The following WDR75 variants were observed in gnomAD, a reference collection of about 807,000 sequenced individuals.
The protein encoded by WDR75 is WD repeat-containing protein 75.
Under a neutral mutation model 106.1 loss-of-function variants are expected in WDR75, and 52 were observed. The observed-to-expected ratio is 0.49, with a 90% CI of 0.39 to 0.62. WDR75 has a LOEUF of 0.62. WDR75 is among the 20% of genes least tolerant of loss of function. WDR75 has a pLI of 0.00. For missense variants in WDR75, 905 were observed against 970.3 expected (o/e 0.93, Z 0.89); for synonymous variants, 333 against 335.5 (o/e 0.99, Z 0.08).
intron 2 of WDR75, chr2:189,450,092 A>G (rs1686584671): frequency 9.3e-6 from 9 of 965,898 alleles, no homozygotes; most frequent in Non-Finnish European, 8.6e-6. Flanking sequence ...ACCATTCTGT[A>G]TAAGAGTACA....
Position 189,457,369 on chromosome 2 carries a change from A to G in WDR75, c.557A>G (p.Lys186Arg). The change falls in exon 6 of 21, where the codon AAA (lysine) becomes AGA (arginine). Residue 186 changes from lysine to arginine, a missense_variant. Coordinates refer to ENST00000314761, the MANE Select transcript of WDR75 (RefSeq NM_032168.3). ...FYLSVYFFKK[K>R]TTSRFTLSSS... ...TTGTCTGTTTATTTTTTCAAAAAGAAAACAACATCAAGGTAAGAATTATTT... is the reference window on the plus strand; with the variant it reads ...TTGTCTGTTTATTTTTTCAAAAAGAGAACAACATCAAGGTAAGAATTATTT... 5.6e-6 allele frequency: 9 copies of G among 1,593,240 alleles called. No homozygotes were observed. The highest frequency in any genetic ancestry group is 6.9e-6 in the Non-Finnish European group (8 of 1,162,214).
At position 189,470,124 on chromosome 2, in the gene WDR75, G is replaced by T; in HGVS notation, c.1868G>T (p.Gly623Val). The change falls in exon 17 of 21, where the codon GGT (glycine) becomes GTT (valine). Residue 623 changes from glycine (G) to valine (V), a missense_variant. Physicochemically the swap from Gly to Val is moderately radical, Grantham distance 109. Transcript: ENST00000314761. Reference protein sequence around the residue: ...SEPRPLYIQKGISREKVQWGV... With the variant: ...SEPRPLYIQKVISREKVQWGV... ...CCAAGGCCATTGTATATTCAAAAGGGTATCTCCAGAGAGAAAGTCCAGTGG... is the reference window on the plus strand; with the variant it reads ...CCAAGGCCATTGTATATTCAAAAGGTTATCTCCAGAGAGAAAGTCCAGTGG... 1.2e-6 allele frequency: 2 copies of T among 1,613,374 alleles called. No individual in the cohort carries two copies. The highest frequency in any genetic ancestry group is 1.7e-5 in the Admixed American group (1 of 59,976).
At position 189,474,270 on chromosome 2, in the gene WDR75, G is replaced by A. The variant is rs116046757; in HGVS notation, c.2134G>A (p.Glu712Lys). The change falls in exon 19 of 21, where the codon GAA becomes AAA. Residue 712 changes from glutamate to lysine, a missense_variant. Transcript: ENST00000314761. ...HRQQQDEKLN[E>K]TLENELVQLP... ...GCAACAGCAGGATGAAAAACTAAACGAAACTTTAGAGAATGAGCTGGTACA... is the reference window on the plus strand; with the variant it reads ...GCAACAGCAGGATGAAAAACTAAACAAAACTTTAGAGAATGAGCTGGTACA... The A allele has an allele frequency of 2.0e-4, 325 of 1,613,594 alleles. 1 individual carries two copies. The African/African-American group carries it at 3.7e-3, about 18-fold the overall frequency.
intron 2 of WDR75, chr2:189,449,436 CAA>C: frequency 4.1e-6 from 5 of 1,214,624 alleles, no homozygotes; most frequent in Non-Finnish European, 5.3e-6. Flanking sequence ...GAGGGTTTGA[CAA>C]AAGTTTATCG....
intron 1 of WDR75, among the ~76,000 whole-genome samples, chr2:189,445,895 GAGA>G (rs1370302264): frequency 2.6e-5 from 4 of 152,232 alleles, no homozygotes; most frequent in Non-Finnish European, 5.9e-5. Flanking sequence ...AAACCATGGA[GAGA>G]AAGTTGACTT....
intron 6 of WDR75, 71 bp from the exon 7 acceptor site, chr2:189,458,678 CTCTT>C (rs1214804229): frequency 1.4e-5 from 18 of 1,309,902 alleles, no homozygotes; most frequent in Non-Finnish European, 1.5e-5. Context: ...GCTGGGAACT[CTCTT>C]TTACTTAACT....
At chr2:189,444,114 A>G (rs934806487) in intron 1 of WDR75, among the ~76,000 whole-genome samples, 5 of 152,004 alleles carry the variant, frequency 3.3e-5, no homozygotes, top group East Asian at 1.9e-4. Context: ...TTTGTCATCT[A>G]TATATAAGCT....
chr2:189,447,721 A>G (rs1424915380), intron 1 of WDR75, among the ~76,000 whole-genome samples: 1 of 152,228 alleles, frequency 6.6e-6, no homozygotes, highest in Non-Finnish European at 1.5e-5. Flanking sequence ...TTCTGAGTTA[A>G]TGAACTGATT....
intron 14 of WDR75, among the ~76,000 whole-genome samples, chr2:189,467,935 A>G (rs1468052467): frequency 3.3e-5 from 5 of 152,166 alleles, no homozygotes; most frequent in Non-Finnish European, 5.9e-5. Flanking sequence ...AGGGGATCCA[A>G]ACCTTCTTAT....
Position 189,463,942 on chromosome 2 carries a change from G to C in WDR75, c.1094G>C (p.Ser365Thr). ...PGHLQFYSLQSDKQLYNLDII... is the reference protein window; with the variant it reads ...PGHLQFYSLQTDKQLYNLDII... ...CACCTGCAGTTTTATTCTCTCCAGA[G>C]TGATAAACAGTTATACAATGTAAGA... Residue 365 changes from serine to threonine, a missense_variant, in exon 11 of 21, where the codon AGT (serine) becomes ACT (threonine). By Grantham distance (58) the Ser-to-Thr change is moderately conservative (BLOSUM62 1). Transcript: ENST00000314761. 1 of 1,613,486 alleles carries C rather than the reference G, an allele frequency of 6.2e-7. No individual in the cohort carries two copies. The highest frequency in any genetic ancestry group is 1.1e-5 in the South Asian group (1 of 91,052).
At chr2:189,468,253 T>G (rs934666589) in intron 14 of WDR75, among the ~76,000 whole-genome samples, 2 of 152,174 alleles carry the variant, frequency 1.3e-5, no homozygotes, top group African/African-American at 4.8e-5. Flanking sequence ...CACAGTGTGT[T>G]AAAGAATTGG....
chr2:189,464,062 A>G (rs1227193305), intron 11 of WDR75, 101 bp downstream of exon 11: 5 of 958,498 alleles, frequency 5.2e-6, no homozygotes, highest in East Asian at 2.5e-5. Flanking sequence ...GATCCTGTGC[A>G]TATGTTTACT....
intron 13 of WDR75, among the ~76,000 whole-genome samples, 190 bp from the exon 14 acceptor site, chr2:189,467,278 T>C (rs535423340): frequency 6.6e-6 from 1 of 152,294 alleles, no homozygotes; most frequent in African/African-American, 2.4e-5. Context: ...GTGCATGCTC[T>C]GTGTCTGCCT....
At chr2:189,455,637 G>T in intron 5 of WDR75, 193 bp downstream of exon 5, 1 of 604,886 alleles carries the variant, frequency 1.7e-6, no homozygotes, top group South Asian at 2.9e-5. Context: ...CCTTATTTTT[G>T]TGTGTTCTGT....
At chr2:189,442,778 G>A (rs906970166) in intron 1 of WDR75, among the ~76,000 whole-genome samples, 3 of 152,012 alleles carry the variant, frequency 2.0e-5, no homozygotes, top group Admixed American at 6.5e-5. Flanking sequence ...ATGAGTGTAC[G>A]ACAGGTAGTT....
chr2:189,475,334 A>C lies in WDR75; in HGVS notation c.2410A>C (p.Ile804Leu). Reference protein sequence around the residue: ...DTSNTGLGEDIIHQLSKSEEK... With the variant: ...DTSNTGLGEDLIHQLSKSEEK... ...AAGTAACACAGGTTTAGGAGAAGAC[A>C]TTATACATCAGTTGTCAAAATCTGA... Residue 804 changes from isoleucine (I) to leucine (L), a missense_variant, in exon 21 of 21, where the codon ATT (isoleucine) becomes CTT (leucine). Transcript: ENST00000314761. The C allele has an allele frequency of 6.2e-7, 1 of 1,612,762 alleles. No homozygotes were observed. Among genetic ancestry groups the C allele is most frequent in the Non-Finnish European group, 8.5e-7 (1 of 1,179,232 alleles).
chr2:189,444,724 T>C (rs1686459284), intron 1 of WDR75, among the ~76,000 whole-genome samples: 2 of 152,214 alleles, frequency 1.3e-5, no homozygotes, highest in African/African-American at 4.8e-5. Context: ...TGTTGCCTCC[T>C]TAACTATAGC....
Position 189,463,950 on chromosome 2 carries a change from C to G in WDR75, c.1102C>G (p.Gln368Glu), listed in dbSNP as rs748137265. ...GTTTTATTCTCTCCAGAGTGATAAA[C>G]AGTTATACAATGTAAGATTTTGATC... ...LQFYSLQSDK[Q>E]LYNLDIIQQE... Residue 368 changes from glutamine to glutamate, a missense_variant, in exon 11 of 21, where the codon CAG (glutamine) becomes GAG (glutamate). Physicochemically the swap from Gln to Glu is conservative, Grantham distance 29. Transcript: ENST00000314761. The G allele has an allele frequency of 1.1e-5, 18 of 1,612,948 alleles. No homozygotes were observed. Among genetic ancestry groups the G allele is most frequent in the Non-Finnish European group, 1.4e-5 (17 of 1,179,330 alleles).
intron 19 of WDR75, among the ~76,000 whole-genome samples, 157 bp downstream of exon 19, chr2:189,474,489 T>C (rs1687173785): frequency 6.6e-6 from 1 of 152,210 alleles, no homozygotes; most frequent in South Asian, 2.1e-4. Context: ...CCTTGTGATC[T>C]GGGATTGTTT....
Sources: allele counts gnomAD v4.1 joint callset (sites outside exome capture counted in the v4.1 genomes callset), GRCh38; gene constraint gnomAD v4.1.1; transcripts MANE v1.5; gene names NCBI Gene and HGNC (gene_info 2026-07-23, HGNC 2026-07-21).